The following CCDC178 variants were observed in gnomAD, a reference collection of about 807,000 sequenced individuals.
CCDC178 encodes coiled-coil domain containing 178.
In CCDC178, 126 loss-of-function variants were observed where a neutral mutation model predicts 117.4. The ratio of observed to expected loss-of-function variants is 1.07; its 90% CI spans 0.93 to 1.24. CCDC178 has a LOEUF of 1.24. CCDC178 is among the 50% of genes most tolerant of loss of function. The pLI is 0.00. For missense variants in CCDC178, 1,030 were observed against 986.9 expected (o/e 1.04, Z -0.59); for synonymous variants, 283 against 313.4 (o/e 0.90, Z 1.02).
chr18:33,140,583 T>C (rs1158024173), intron 20 of CCDC178, among the ~76,000 whole-genome samples: 2 of 152,176 alleles, frequency 1.3e-5, no homozygotes, highest in African/African-American at 2.4e-5. Context: ...CCCCTTTGTT[T>C]TGGAAAATTT....
At chr18:33,104,419 A>G (rs1294220555) in intron 20 of CCDC178, among the ~76,000 whole-genome samples, 2 of 151,560 alleles carry the variant, frequency 1.3e-5, no homozygotes, top group Non-Finnish European at 3.0e-5. Context: ...TATCTCATCT[A>G]TGTTTTTCTT....
intron 2 of CCDC178, among the ~76,000 whole-genome samples, chr18:33,415,545 C>A (rs1172999633): frequency 7.2e-6 from 1 of 138,982 alleles, no homozygotes; most frequent in Non-Finnish European, 1.5e-5. Flanking sequence ...ACATCAGGGC[C>A]TGTCGTGGGG....
At chr18:33,398,624 A>T (rs944211551) in intron 3 of CCDC178, among the ~76,000 whole-genome samples, 12 of 152,324 alleles carry the variant, frequency 7.9e-5, no homozygotes, top group African/African-American at 2.9e-4. Context: ...CCCCAGACAT[A>T]GTAAGTGTTA....
chr18:33,422,273 C>A (rs1055389376), intron 2 of CCDC178, among the ~76,000 whole-genome samples: 7 of 151,970 alleles, frequency 4.6e-5, no homozygotes, highest in Non-Finnish European at 1.0e-4. Flanking sequence ...CTTTTTTTCC[C>A]CAATATTATG....
chr18:33,228,969 G>A (rs1190267020), intron 15 of CCDC178, among the ~76,000 whole-genome samples: 1 of 152,114 alleles, frequency 6.6e-6, no homozygotes, highest in Non-Finnish European at 1.5e-5. Flanking sequence ...GATGGTCAAA[G>A]GTCTTAGATT....
intron 21 of CCDC178, among the ~76,000 whole-genome samples, chr18:33,029,748 T>C (rs979983794): frequency 6.6e-6 from 1 of 151,986 alleles, no homozygotes; most frequent in Non-Finnish European, 1.5e-5. Flanking sequence ...TTTCTTTCAC[T>C]TGCTGTTTTT....
At chr18:33,228,633 G>T (rs750453052) in intron 15 of CCDC178, among the ~76,000 whole-genome samples, 2 of 152,170 alleles carry the variant, frequency 1.3e-5, no homozygotes, top group Admixed American at 1.3e-4. Context: ...TCTGTCTAGC[G>T]TCTCAAAGAA....
intron 20 of CCDC178, among the ~76,000 whole-genome samples, chr18:33,152,057 G>A (rs2058347679): frequency 6.6e-6 from 1 of 152,118 alleles, no homozygotes; most frequent in Non-Finnish European, 1.5e-5. Flanking sequence ...AATAGATGCA[G>A]GCCAAAAGCA....
intron 12 of CCDC178, among the ~76,000 whole-genome samples, chr18:33,289,974 A>G (rs2060147348): frequency 6.6e-6 from 1 of 152,172 alleles, no homozygotes; most frequent in African/African-American, 2.4e-5. Context: ...AGCATAATAA[A>G]AAAGCTCAAC....
intron 21 of CCDC178, among the ~76,000 whole-genome samples, chr18:32,985,258 T>C (rs1376032239): frequency 6.6e-6 from 1 of 152,128 alleles, no homozygotes; most frequent in East Asian, 1.9e-4. Context: ...ATGAAGTTAT[T>C]TGTTTTAAAC....
At chr18:33,233,739 T>C (rs1348474151) in intron 15 of CCDC178, among the ~76,000 whole-genome samples, 1 of 152,144 alleles carries the variant, frequency 6.6e-6, no homozygotes, top group Non-Finnish European at 1.5e-5. Flanking sequence ...AGGTACCATA[T>C]AGATACTGTT....
chr18:33,397,267 C>T, intron 3 of CCDC178, 59 bp from the exon 4 acceptor site: 1 of 1,131,284 alleles, frequency 8.8e-7, no homozygotes, highest in East Asian at 2.4e-5. Context: ...AATATTCTGC[C>T]CTATATTGCA....
At chr18:33,130,918 A>G (rs575849440) in intron 20 of CCDC178, among the ~76,000 whole-genome samples, 1 of 152,046 alleles carries the variant, frequency 6.6e-6, no homozygotes, top group African/African-American at 2.4e-5. Flanking sequence ...GCTGTCAGCA[A>G]ATTAGAGCAT....
intron 15 of CCDC178, among the ~76,000 whole-genome samples, chr18:33,240,996 A>G (rs1451126418): frequency 1.3e-5 from 2 of 152,000 alleles, no homozygotes; most frequent in Non-Finnish European, 2.9e-5. Flanking sequence ...AAGATATTAC[A>G]CCATAATCAA....
intron 5 of CCDC178, among the ~76,000 whole-genome samples, chr18:33,377,945 T>C (rs2063387006): frequency 6.6e-6 from 1 of 152,232 alleles, no homozygotes; most frequent in African/African-American, 2.4e-5. Flanking sequence ...TGGTTCTGTA[T>C]GAATTTTAAA....
intron 22 of CCDC178, among the ~76,000 whole-genome samples, chr18:32,967,191 T>G (rs2054832326): frequency 6.6e-6 from 1 of 151,710 alleles, no homozygotes; most frequent in Non-Finnish European, 1.5e-5. Flanking sequence ...TTTCTAAAGT[T>G]GAATCTCTTT....
intron 20 of CCDC178, among the ~76,000 whole-genome samples, chr18:33,160,841 C>T (rs1308145979): frequency 6.6e-6 from 1 of 152,082 alleles, no homozygotes; most frequent in African/African-American, 2.4e-5. Context: ...ACTACTTCCT[C>T]CTCACATACC....
intron 12 of CCDC178, among the ~76,000 whole-genome samples, chr18:33,292,786 C>T (rs937908826): frequency 6.6e-6 from 1 of 151,980 alleles, no homozygotes; most frequent in Middle Eastern, 3.4e-3. Flanking sequence ...AATAATTGTA[C>T]ATTTTATAGG....
At chr18:33,012,948 A>G (rs1424788931) in intron 21 of CCDC178, among the ~76,000 whole-genome samples, 1 of 152,206 alleles carries the variant, frequency 6.6e-6, no homozygotes, top group Non-Finnish European at 1.5e-5. Context: ...ATGAAATATT[A>G]TATTTTGCAA....
Sources: allele counts gnomAD v4.1 joint callset (sites outside exome capture counted in the v4.1 genomes callset), GRCh38; gene constraint gnomAD v4.1.1; transcripts MANE v1.5; gene names NCBI Gene and HGNC (gene_info 2026-07-23, HGNC 2026-07-21).